The following ALKBH1 variants were observed in gnomAD, a reference collection of about 807,000 sequenced individuals.
ALKBH1 encodes alkB homolog 1, histone H2A dioxygenase.
Under a neutral mutation model 36.6 loss-of-function variants are expected in ALKBH1, and 31 were observed. That is an observed-to-expected ratio of 0.85 (90% CI 0.64 to 1.14). ALKBH1 has a LOEUF of 1.14. ALKBH1 is among the 50% of genes most tolerant of loss of function. ALKBH1 has a pLI of 0.00. For synonymous variants in ALKBH1, 183 were observed against 186.6 expected (o/e 0.98, Z 0.16); for missense variants, 490 against 497.3 (o/e 0.99, Z 0.14).
rs568826847 is a variant in ALKBH1, at chr14:77,702,270, C to T, written c.292+2099G>A. On this transcript the variant is annotated intron_variant, in intron 2 of 5. Transcript: ENST00000216489. ...GAGCGGAGATCACACCACTGCACTCCAGCCTAGGCGACAGAGCAAGACTCT... is the reference window on the plus strand; with the variant it reads ...GAGCGGAGATCACACCACTGCACTCTAGCCTAGGCGACAGAGCAAGACTCT... Among the ~76,000 whole-genome samples, 5 of 152,202 alleles carry T rather than the reference C, an allele frequency of 3.3e-5. No homozygotes were observed. The South Asian group carries it at 1.0e-3, about 32-fold the overall frequency.
chr14:77,703,675 G>A (rs987078618), intron 2 of ALKBH1, among the ~76,000 whole-genome samples: 1 of 140,912 alleles, frequency 7.1e-6, no homozygotes, highest in African/African-American at 2.7e-5. Context: ...TTGGCTCACT[G>A]AAACCTCCAC....
Position 77,708,015 on chromosome 14 carries a change from A to G in ALKBH1, c.-11T>C, listed in dbSNP as rs2080407529. The G allele has an allele frequency of 3.7e-6, 6 of 1,609,794 alleles. No individual in the cohort carries two copies. Among genetic ancestry groups the G allele is most frequent in the Admixed American group, 1.7e-5 (1 of 59,488 alleles). ...TGCCATCTTCCCCATCTCGCGGCCT[A>G]TACCCTCTGATCCGGAAGCAGATTC... On this transcript the variant is annotated 5_prime_UTR_variant, in exon 1 of 6. Coordinates refer to ENST00000216489, the MANE Select transcript of ALKBH1 (RefSeq NM_006020.3).
At chr14:77,693,996 AAAACAAAC>A (rs1232138770) in intron 3 of ALKBH1, among the ~76,000 whole-genome samples, 1 of 152,198 alleles carries the variant, frequency 6.6e-6, no homozygotes, top group South Asian at 2.1e-4. Context: ...CAAAAAACAA[AAAACAAAC>A]AAACAAAAAA....
At chr14:77,686,669 G>C (rs1261495807) in intron 3 of ALKBH1, among the ~76,000 whole-genome samples, 2 of 152,168 alleles carry the variant, frequency 1.3e-5, no homozygotes, top group African/African-American at 4.8e-5. Context: ...TTGTCGCCAG[G>C]CTGGAGTGCA....
At chr14:77,707,667 C>T (rs891351103) in intron 1 of ALKBH1, among the ~76,000 whole-genome samples, 155 bp downstream of exon 1, 1 of 152,106 alleles carries the variant, frequency 6.6e-6, no homozygotes, top group East Asian at 1.9e-4. Flanking sequence ...CTAAGTGTGA[C>T]GGTTAGTGGG....
At position 77,694,863 on chromosome 14, in the gene ALKBH1, G is replaced by A; in HGVS notation, c.330C>T (p.Tyr110=). The A allele has an allele frequency of 6.3e-7, 1 of 1,579,822 alleles. No individual in the cohort carries two copies. The highest frequency in any genetic ancestry group is 1.2e-5 in the South Asian group (1 of 82,698). ...GGCACTGTTTCACCCAGTGCCACTG[G>A]TAACCTGGGAGGAAGGGGTTTGGGA... The part of the protein sequence containing the change: ...IFIPNPFLPG[Y]QWHWVKQCLK... Residue 110 remains tyrosine, a synonymous_variant, in exon 3 of 6, where the codon TAC becomes TAT. Transcript: ENST00000216489.
chr14:77,702,478 C>T (rs2080364788), intron 2 of ALKBH1, among the ~76,000 whole-genome samples: 1 of 151,776 alleles, frequency 6.6e-6, no homozygotes, highest in African/African-American at 2.4e-5. Context: ...GTATTAAGAG[C>T]TGTACCATAG....
Position 77,700,323 on chromosome 14 carries a change from T to A in ALKBH1, c.292+4046A>T, listed in dbSNP as rs114744416. On this transcript the variant is annotated intron_variant, in intron 2 of 5. Coordinates refer to ENST00000216489, the MANE Select transcript of ALKBH1 (RefSeq NM_006020.3). ...AAAAAAACTAGATAGCTTAGAGATA[T>A]TCAATGTGGACAGGTTCCTCATTGC... Among the ~76,000 whole-genome samples, 169 of 152,328 alleles carry A rather than the reference T, an allele frequency of 1.1e-3. 2 individuals carry two copies. The highest frequency in any genetic ancestry group is 4.0e-3 in the African/African-American group (166 of 41,576).
At chr14:77,685,436 T>TA (rs11429511) in intron 3 of ALKBH1, among the ~76,000 whole-genome samples, 136,748 of 148,746 alleles carry the variant, frequency 0.92, 63,039 homozygotes, top group Non-Finnish European at 0.97. Flanking sequence ...GACTCCGTCT[T>TA]AAAAAAAAAC....
chr14:77,685,436 T>TAAA (rs11429511), intron 3 of ALKBH1, among the ~76,000 whole-genome samples: 4 of 148,660 alleles, frequency 2.7e-5, no homozygotes, highest in African/African-American at 5.0e-5. Context: ...GACTCCGTCT[T>TAAA]AAAAAAAAAC....
intron 3 of ALKBH1, among the ~76,000 whole-genome samples, chr14:77,689,382 G>A (rs2080285800): frequency 6.6e-6 from 1 of 151,972 alleles, no homozygotes; most frequent in African/African-American, 2.4e-5. Context: ...CTTCTTCATA[G>A]CTATCCTAGC....
intron 1 of ALKBH1, 137 bp from the exon 2 acceptor site, chr14:77,704,614 G>A: frequency 1.5e-6 from 1 of 660,672 alleles, no homozygotes; most frequent in Admixed American, 2.3e-5. Flanking sequence ...TTGCTCTATT[G>A]CTCAGGCGAG....
chr14:77,692,673 T>G (rs568014416), intron 3 of ALKBH1, among the ~76,000 whole-genome samples: 3 of 151,996 alleles, frequency 2.0e-5, no homozygotes, highest in Admixed American at 1.3e-4. Context: ...CTCCTTCATG[T>G]TTTACCAATT....
intron 3 of ALKBH1, among the ~76,000 whole-genome samples, chr14:77,686,881 C>G (rs542596267): frequency 9.8e-5 from 15 of 152,328 alleles, no homozygotes; most frequent in African/African-American, 3.4e-4. Flanking sequence ...CTTTGCCTCC[C>G]AAAGTGCTGG....
At chr14:77,679,684 G>A (rs1369050189) in intron 4 of ALKBH1, among the ~76,000 whole-genome samples, 196 bp downstream of exon 4, 2 of 152,156 alleles carry the variant, frequency 1.3e-5, no homozygotes, top group Non-Finnish European at 1.5e-5. Context: ...GCCCACCTCA[G>A]CCTCCCAAAG....
intron 2 of ALKBH1, among the ~76,000 whole-genome samples, chr14:77,697,554 A>G (rs1359079455): frequency 1.3e-5 from 2 of 152,062 alleles, no homozygotes; most frequent in East Asian, 3.9e-4. Context: ...TCCAGTCTTA[A>G]TCTCCAGCAA....
Position 77,673,771 on chromosome 14 carries a change from G to GT in ALKBH1, c.*40dup, listed in dbSNP as rs764422030. 3 of 1,568,270 alleles carry GT rather than the reference G, an allele frequency of 1.9e-6. No individual in the cohort carries two copies. The highest frequency in any genetic ancestry group is 2.7e-5 in the African/African-American group (2 of 73,734). On this transcript the variant is annotated 3_prime_UTR_variant, in exon 6 of 6. Coordinates refer to ENST00000216489, the MANE Select transcript of ALKBH1 (RefSeq NM_006020.3). ...ATACACAATAACATGATCATTTACGGTAAGCAGGTGCCTGAGTAAAAAGGA... is the reference window on the plus strand; with the variant it reads ...ATACACAATAACATGATCATTTACGGTTAAGCAGGTGCCTGAGTAAAAAGGA...
chr14:77,707,998 T>C lies in ALKBH1; in HGVS notation c.7A>G (p.Lys3Glu), dbSNP rs771006518. ...ACAGAGCCCACGGCCGCTGCCATCTTCCCCATCTCGCGGCCTATACCCTCT... is the reference window on the plus strand; with the variant it reads ...ACAGAGCCCACGGCCGCTGCCATCTCCCCCATCTCGCGGCCTATACCCTCT... MG[K>E]MAAAVGSVAT... Residue 3 changes from lysine to glutamate, a missense_variant, in exon 1 of 6, where the codon AAG (lysine) becomes GAG (glutamate). Physicochemically the swap from Lys to Glu is moderately conservative, Grantham distance 56. Coordinates refer to ENST00000216489, the MANE Select transcript of ALKBH1 (RefSeq NM_006020.3). 2.5e-6 allele frequency: 4 copies of C among 1,609,222 alleles called. No homozygotes were observed.
intron 2 of ALKBH1, among the ~76,000 whole-genome samples, chr14:77,702,067 G>A (rs1437614916): frequency 1.3e-5 from 2 of 152,184 alleles, no homozygotes; most frequent in Admixed American, 6.5e-5. Flanking sequence ...GGGAGGTCAA[G>A]GCAGGTGGAT....
Sources: allele counts gnomAD v4.1 joint callset (sites outside exome capture counted in the v4.1 genomes callset), GRCh38; gene constraint gnomAD v4.1.1; transcripts MANE v1.5; gene names NCBI Gene and HGNC (gene_info 2026-07-23, HGNC 2026-07-21).